Variants in BSND observed in about 807,000 individuals in gnomAD.
BSND encodes the protein barttin.
BSND carries 13 observed loss-of-function variants against 18.8 expected under a neutral mutation model. That is an observed-to-expected ratio of 0.69 (90% CI 0.45 to 1.10). The LOEUF (loss-of-function observed/expected upper bound fraction) is 1.10. Among genes scored for constraint, BSND ranks in the 50% least tolerant of loss-of-function variants. BSND has a pLI of 0.00. For synonymous variants in BSND, 170 were observed against 161.8 expected (o/e 1.05, Z -0.39); for missense variants, 379 against 416.7 (o/e 0.91, Z 0.79).
In BSND at chr1:55,011,226, C is replaced by T. The variant is rs1478378646; in HGVS notation, c.*2598C>T. ...AGACCCAGGCTTGGTCTCCCTGGCT[C>T]TTGCTGCATGATGGGGAGACCACAC... is the stretch of plus-strand genomic sequence containing the variant. On this transcript the variant is annotated 3_prime_UTR_variant, in exon 4 of 4. Coordinates refer to ENST00000651561, the MANE Select transcript of BSND (RefSeq NM_057176.3). 6.6e-6 allele frequency: 1 copy of T among 152,384 alleles called. No individual in the cohort carries two copies. The highest frequency in any genetic ancestry group is 1.5e-5 in the Non-Finnish European group (1 of 68,092). 9.4% of individuals were successfully genotyped at this position (152,384 alleles called of 1,614,324 possible). A position where few individuals can be genotyped will look rare whatever the true frequency, so the allele number is the denominator to read the frequency against.
chr1:55,005,883 C>T (rs1305302501), intron 2 of BSND, among the ~76,000 whole-genome samples: 4 of 149,436 alleles, frequency 2.7e-5, no homozygotes, highest in East Asian at 1.9e-4. Context: ...GTGGTGGAGG[C>T]GGGGCCTGCA....
rs559001083 is a variant in BSND at position 55,010,592 on chromosome 1, T to C, written c.*1964T>C. 4 of 152,424 alleles carry C rather than the reference T, an allele frequency of 2.6e-5. No individual in the cohort carries two copies. The East Asian group carries it at 7.7e-4, about 29-fold the overall frequency. 9.4% of individuals were successfully genotyped at this position (152,424 alleles called of 1,614,324 possible). A position where few individuals can be genotyped will look rare whatever the true frequency, so the allele number is the denominator to read the frequency against. ...GCTTCCGGGTTGAGGCCGGGGGTCC[T>C]GGCCTAGGGAAGGAGATGCCCCTGT... is the stretch of plus-strand genomic sequence containing the variant. On this transcript the variant is annotated 3_prime_UTR_variant, in exon 4 of 4. Coordinates refer to ENST00000651561, the MANE Select transcript of BSND (RefSeq NM_057176.3).
chr1:55,009,129 A>C lies in BSND; in HGVS notation c.*501A>C. ...CAGGACCCAAAACCTTCTGTGACTG[A>C]CCCCTGCTGACCTCATTCTCTCTGC... On this transcript the variant is annotated 3_prime_UTR_variant, in exon 4 of 4. Coordinates refer to ENST00000651561, the MANE Select transcript of BSND (RefSeq NM_057176.3). The C allele has an allele frequency of 1.1e-5, 2 of 181,328 alleles. No homozygotes were observed. Among genetic ancestry groups the C allele is most frequent in the South Asian group, 1.2e-4 (1 of 8,408 alleles). The allele number at this position is 181,328 out of a possible 1,614,324, so 11.2% of individuals were successfully genotyped here.
chr1:54,999,610 G>T (rs147402909), intron 1 of BSND, among the ~76,000 whole-genome samples: 1 of 152,144 alleles, frequency 6.6e-6, no homozygotes. Context: ...GCCCTGAGCC[G>T]GAAGCTATGG....
chr1:55,016,913 C>A lies in BSND; in HGVS notation c.*8285C>A, dbSNP rs1341540598. Among the ~76,000 whole-genome samples, 2 of 152,202 alleles carry A rather than the reference C, an allele frequency of 1.3e-5. No homozygotes were observed. Among genetic ancestry groups the A allele is most frequent in the Non-Finnish European group, 2.9e-5 (2 of 68,036 alleles). On this transcript the variant is annotated 3_prime_UTR_variant, in exon 4 of 4. Coordinates refer to ENST00000651561, the MANE Select transcript of BSND (RefSeq NM_057176.3). ...AGCTATGCAAGGGACAGATACACGG[C>A]CATTCAAAACAGTGACCCTCCTGAT...
rs1644439449 is a variant in BSND, at chr1:55,014,378, T to A, written c.*5750T>A. Among the ~76,000 whole-genome samples the A allele has an allele frequency of 6.6e-6, 1 of 152,184 alleles. No homozygotes were observed. Among genetic ancestry groups the A allele is most frequent in the Non-Finnish European group, 1.5e-5 (1 of 68,034 alleles). ...TAGCCTCTCTGGCCCTCAATTTCCT[T>A]ATTAATAAATTGAGGTTAGTGATAT... is the stretch of plus-strand genomic sequence containing the variant. On this transcript the variant is annotated 3_prime_UTR_variant, in exon 4 of 4. Coordinates refer to ENST00000651561, the MANE Select transcript of BSND (RefSeq NM_057176.3).
Position 55,007,277 on chromosome 1 carries a change from G to A in BSND, c.548+5G>A. ...CCTAACTCAGAGCTGGCCCGGGTGA[G>A]TGCTTAGAGGGCAGGAGTGGGGCTT... On this transcript the variant is annotated splice_donor_5th_base_variant and intron_variant, in intron 3 of 3. Coordinates refer to ENST00000651561, the MANE Select transcript of BSND (RefSeq NM_057176.3). 1 of 1,589,928 alleles carries A rather than the reference G, an allele frequency of 6.3e-7. No homozygotes were observed. The highest frequency in any genetic ancestry group is 1.3e-5 in the African/African-American group (1 of 74,450).
At chr1:55,004,956 C>G in intron 1 of BSND, 66 bp from the exon 2 acceptor site, 1 of 1,488,830 alleles carries the variant, frequency 6.7e-7, no homozygotes, top group East Asian at 2.3e-5. Flanking sequence ...TTGCCAATTC[C>G]CTGAGGGGAC....
At position 55,015,897 on chromosome 1, in the gene BSND, G is replaced by A. The variant is rs998630272; in HGVS notation, c.*7269G>A. On this transcript the variant is annotated 3_prime_UTR_variant, in exon 4 of 4. Coordinates refer to ENST00000651561, the MANE Select transcript of BSND (RefSeq NM_057176.3). ...CACCAAGCTATGTCCTGAAGGATTC[G>A]CTAGGGAAGAGCAGGGAGGGAGAAC... Among the ~76,000 whole-genome samples, 5 of 152,198 alleles carry A rather than the reference G, an allele frequency of 3.3e-5. No individual in the cohort carries two copies. The highest frequency in any genetic ancestry group is 7.2e-5 in the African/African-American group (3 of 41,448).
intron 2 of BSND, among the ~76,000 whole-genome samples, chr1:55,006,413 A>G (rs1053776278): frequency 2.6e-5 from 4 of 152,208 alleles, no homozygotes; most frequent in African/African-American, 9.6e-5. Flanking sequence ...CTGGAGCTCC[A>G]GTACTATCAC....
At chr1:55,004,945 T>A in intron 1 of BSND, 77 bp from the exon 2 acceptor site, 1 of 1,381,586 alleles carries the variant, frequency 7.2e-7, no homozygotes, top group Non-Finnish European at 1.0e-6. Flanking sequence ...CATGGAGAGG[T>A]TTGCCAATTC....
At chr1:55,004,714 T>C (rs981839053) in intron 1 of BSND, among the ~76,000 whole-genome samples, 1 of 152,238 alleles carries the variant, frequency 6.6e-6, no homozygotes, top group African/African-American at 2.4e-5. Flanking sequence ...AATGAAAAGA[T>C]GTGAGCTCCT....
At chr1:55,005,462 A>T (rs955280062) in intron 2 of BSND, among the ~76,000 whole-genome samples, 2 of 152,228 alleles carry the variant, frequency 1.3e-5, no homozygotes, top group Admixed American at 1.3e-4. Flanking sequence ...CTACTGACAA[A>T]CAAGAGGCAT....
chr1:55,006,969 C>T lies in BSND; in HGVS notation c.273-28C>T, dbSNP rs552714240. On this transcript the variant is annotated intron_variant, in intron 2 of 3. Transcript: ENST00000651561. The stretch of plus-strand genomic sequence containing the variant: ...TGGTGTTTGCTGAGTGACTCTTTGC[C>T]GCCTGCCTGTTCTCTCTCCCACTCC... 200 of 1,613,296 alleles carry T rather than the reference C, an allele frequency of 1.2e-4. No homozygotes were observed. Among genetic ancestry groups the T allele is most frequent in the Admixed American group, 7.3e-4 (44 of 60,018 alleles).
At position 55,007,271 on chromosome 1, in the gene BSND, G is replaced by T. The variant is rs750027126; in HGVS notation, c.547G>T (p.Gly183Cys). The change falls in exon 3 of 4, where the codon GGC (glycine) becomes TGC (cysteine). Residue 183 changes from glycine (G) to cysteine (C), a missense_variant and splice_region_variant. Coordinates refer to ENST00000651561, the MANE Select transcript of BSND (RefSeq NM_057176.3). ...GERRLTQSWP[G>C]PLACPQGPAP... ...AAGACGCCTAACTCAGAGCTGGCCC[G>T]GGTGAGTGCTTAGAGGGCAGGAGTG... 1 of 1,601,108 alleles carries T rather than the reference G, an allele frequency of 6.2e-7. No individual in the cohort carries two copies. Among genetic ancestry groups the T allele is most frequent in the Non-Finnish European group, 8.5e-7 (1 of 1,171,608 alleles).
chr1:55,007,948 T>A (rs902764616), intron 3 of BSND, among the ~76,000 whole-genome samples: 1 of 152,218 alleles, frequency 6.6e-6, no homozygotes, highest in African/African-American at 2.4e-5. Context: ...GAGAAGTAGA[T>A]GAGTGACCTG....
rs763366653 is a variant in BSND, at chr1:55,008,264, A to T, written c.599A>T (p.Asp200Val). 1.9e-6 allele frequency: 3 copies of T among 1,614,182 alleles called. No homozygotes were observed. In the Admixed American group the frequency reaches 5.0e-5, roughly 27 times the overall value. The change falls in exon 4 of 4, where the codon GAC becomes GTC. Residue 200 changes from aspartate (D) to valine (V), a missense_variant. By Grantham distance (152) the Asp-to-Val change is radical (BLOSUM62 -3). Transcript: ENST00000651561. ...GCCCCCTTGGCTTCCTTCCAAGATG[A>T]CCTGGACATGGACTCCAGTGAAGGC... is the stretch of plus-strand genomic sequence containing the variant. ...GPAPLASFQD[D>V]LDMDSSEGSS...
chr1:54,998,994 G>T lies in BSND; in HGVS notation c.-193G>T, dbSNP rs556765470. ...GGGTGTGGGTCCGTTGAAGCGAGCC[G>T]CCTCCAGCCCTGTTGAACTGGTGGG... On this transcript the variant is annotated 5_prime_UTR_variant, in exon 1 of 4. Coordinates refer to ENST00000651561, the MANE Select transcript of BSND (RefSeq NM_057176.3). 26 of 643,656 alleles carry T rather than the reference G, an allele frequency of 4.0e-5. No homozygotes were observed. The highest frequency in any genetic ancestry group is 6.1e-5 in the Non-Finnish European group (23 of 378,044). The allele number at this position is 643,656 out of a possible 1,614,324, so 39.9% of individuals were successfully genotyped here. A position where few individuals can be genotyped will look rare whatever the true frequency, so the allele number is the denominator to read the frequency against.
rs1644424140 is a variant in BSND, at chr1:55,011,957, C to T, written c.*3329C>T. On this transcript the variant is annotated 3_prime_UTR_variant, in exon 4 of 4. Transcript: ENST00000651561. ...TTTTGGGGTGGCAAAGCCTGGGATT[C>T]TAGCGTTCAGCTCCAGGCTCCAGGT... is the stretch of plus-strand genomic sequence containing the variant. Among the ~76,000 whole-genome samples the T allele has an allele frequency of 6.6e-6, 1 of 152,160 alleles. No individual in the cohort carries two copies. Among genetic ancestry groups the T allele is most frequent in the South Asian group, 2.1e-4 (1 of 4,828 alleles).
Sources: allele counts gnomAD v4.1 joint callset (sites outside exome capture counted in the v4.1 genomes callset), GRCh38; gene constraint gnomAD v4.1.1; transcripts MANE v1.5; gene names NCBI Gene and HGNC (gene_info 2026-07-23, HGNC 2026-07-21).